The following PI16 variants were observed in gnomAD, a reference collection of about 807,000 sequenced individuals.
The protein encoded by PI16 is peptidase inhibitor 16.
PI16 carries 35 observed loss-of-function variants against 38.0 expected under a neutral mutation model. The observed-to-expected ratio is 0.92, with a 90% CI of 0.70 to 1.22. PI16 has a LOEUF of 1.22. PI16 is among the 50% of genes most tolerant of loss of function. The pLI is 0.00. For synonymous variants in PI16, 275 were observed against 252.9 expected (o/e 1.09, Z -0.83); for missense variants, 572 against 593.8 (o/e 0.96, Z 0.38).
In PI16 at chr6:36,959,247, A is replaced by G. The variant is rs1370902282; in HGVS notation, c.274A>G (p.Ile92Val). 3.7e-6 allele frequency: 6 copies of G among 1,608,288 alleles called. 1 individual carries two copies. Among genetic ancestry groups the G allele is most frequent in the South Asian group, 3.3e-5 (3 of 89,888 alleles). ...RGRRGENLFA[I>V]TDEGMDVPLA... Reference sequence around the variant, plus strand: ...GCGCCGCGGCGAGAATCTGTTCGCCATCACAGACGAGGGCATGGACGTGCC... The same window carrying G: ...GCGCCGCGGCGAGAATCTGTTCGCCGTCACAGACGAGGGCATGGACGTGCC... The change falls in exon 2 of 7, where the codon ATC becomes GTC. Residue 92 changes from isoleucine (I) to valine (V), a missense_variant. By Grantham distance (29) the Ile-to-Val change is conservative. Coordinates refer to ENST00000373674, the MANE Select transcript of PI16 (RefSeq NM_153370.3).
At chr6:36,960,481 C>T (rs1271724809) in intron 2 of PI16, among the ~76,000 whole-genome samples, 1 of 152,082 alleles carries the variant, frequency 6.6e-6, no homozygotes, top group Non-Finnish European at 1.5e-5. Context: ...CCACCCACAT[C>T]CACCAATTCC....
At chr6:36,960,847 AGAAC>A (rs1429782380) in intron 2 of PI16, among the ~76,000 whole-genome samples, 1 of 152,272 alleles carries the variant, frequency 6.6e-6, no homozygotes, top group East Asian at 1.9e-4. Flanking sequence ...GATTGAACCT[AGAAC>A]CAGCAAGGCA....
chr6:36,961,722 A>G (rs748612848), intron 3 of PI16, among the ~76,000 whole-genome samples, 162 bp downstream of exon 3: 12 of 152,164 alleles, frequency 7.9e-5, no homozygotes, highest in African/African-American at 2.4e-4. Flanking sequence ...GTCTGCTGTC[A>G]TCTGCCAGAG....
rs1483562513 is a variant in PI16, at chr6:36,962,943, G to A, written c.601G>A (p.Gly201Arg). The change falls in exon 5 of 7, where the codon GGA becomes AGA. Residue 201 changes from glycine to arginine, a missense_variant. Physicochemically the swap from Gly to Arg is moderately radical, Grantham distance 125 (BLOSUM62 -2). Transcript: ENST00000373674. This position sits in a 1 kb window ranked among gnomAD's most constrained non-coding sequence, Gnocchi z 4.1. ...HCKNSLCEPI[G>R]SPEDAQDLPY... ...CTCGTCTGTCTTATCAGAACCCATC[G>A]GAAGCCCGGAAGATGCTCAGGATTT... 6.2e-7 allele frequency: 1 copy of A among 1,612,148 alleles called. No individual in the cohort carries two copies. Among genetic ancestry groups the A allele is most frequent in the South Asian group, 1.1e-5 (1 of 90,948 alleles).
chr6:36,960,107 A>G (rs1371772565), intron 2 of PI16, among the ~76,000 whole-genome samples: 1 of 152,076 alleles, frequency 6.6e-6, no homozygotes, highest in African/African-American at 2.4e-5. Flanking sequence ...TATGGTGTCT[A>G]ATTTGCTACT....
In PI16 at chr6:36,963,059, G is replaced by T. The variant is rs922575539; in HGVS notation, c.717G>T (p.Gly239=). Residue 239 remains glycine, a synonymous_variant, in exon 5 of 7, where the codon GGG becomes GGT. Transcript: ENST00000373674. ...GTACTCCTTCTTCCCTAGCAACGGG[G>T]ATTCCGGCTTTCTTGGTAACAGAGG... ...KMGTPSSLAT[G]IPAFLVTEVS... 2 of 1,614,102 alleles carry T rather than the reference G, an allele frequency of 1.2e-6. No individual in the cohort carries two copies. The highest frequency in any genetic ancestry group is 1.7e-5 in the Admixed American group (1 of 60,004).
rs1277063515 is a variant in PI16 at position 36,961,573 on chromosome 6, G to C, written c.503+13G>C. 4.3e-6 allele frequency: 7 copies of C among 1,611,714 alleles called. 1 individual carries two copies. In the Middle Eastern group the frequency reaches 6.6e-4, roughly 152 times the overall value. On this transcript the variant is annotated intron_variant, in intron 3 of 6. Transcript: ENST00000373674. Reference sequence around the variant, plus strand: ...ACTATGAGCCTCCGTGAGTGCCGGGGGGAACCCTGGAGATGGAGAGGGGGA... The same window carrying C: ...ACTATGAGCCTCCGTGAGTGCCGGGCGGAACCCTGGAGATGGAGAGGGGGA...
rs774586020 is a variant in PI16 at position 36,961,961 on chromosome 6, G to A, written c.579G>A (p.Lys193=). 1.2e-6 allele frequency: 2 copies of A among 1,613,998 alleles called. No homozygotes were observed. The highest frequency in any genetic ancestry group is 1.7e-5 in the Admixed American group (1 of 60,022). The change falls in exon 4 of 7, where the codon AAG becomes AAA. Residue 193 remains lysine, a synonymous_variant. Transcript: ENST00000373674. ...CSQCPSGYHC[K]NSLCEPIGSP... Reference sequence around the variant, plus strand: ...AATGTCCCTCTGGCTACCACTGCAAGAACTCCCTCTGTGGTGAGTCCACGG... The same window carrying A: ...AATGTCCCTCTGGCTACCACTGCAAAAACTCCCTCTGTGGTGAGTCCACGG...
upstream of PI16, chr6:36,954,517 G>A (rs2150733668): frequency 9.7e-6 from 5 of 517,414 alleles, no homozygotes; most frequent in Non-Finnish European, 1.7e-5. Context: ...AACTCACACA[G>A]CTTTTGGCCT....
At chr6:36,959,500 G>C in intron 2 of PI16, 134 bp downstream of exon 2, 1 of 858,840 alleles carries the variant, frequency 1.2e-6, no homozygotes, top group East Asian at 2.7e-5. Context: ...TTCACTCCAA[G>C]CCCCCTCAGA....
At chr6:36,948,572 A>T (rs989883055) in intron 1 of PI16, among the ~76,000 whole-genome samples, 1 of 148,818 alleles carries the variant, frequency 6.7e-6, no homozygotes, top group Non-Finnish European at 1.5e-5. Flanking sequence ...TGCTGGGATT[A>T]CAAGCCTGAG....
upstream of PI16, among the ~76,000 whole-genome samples, chr6:36,951,319 G>A (rs910462859): frequency 4.0e-5 from 6 of 151,474 alleles, no homozygotes; most frequent in East Asian, 5.8e-4. Flanking sequence ...GTGTGATCTC[G>A]GCTCTCTGCA....
chr6:36,954,336 T>A (rs1763150526), upstream of PI16: 1 of 156,590 alleles, frequency 6.4e-6, no homozygotes, highest in African/African-American at 2.4e-5. Context: ...CCTCTGTCCT[T>A]TCAAAAGCCT....
rs539412054 is a variant in PI16 at position 36,959,183 on chromosome 6, C to A, written c.210C>A (p.Tyr70Ter). The change falls in exon 2 of 7, where the codon TAC becomes TAA. Residue 70 changes from tyrosine to a stop codon, truncating the protein, a stop_gained. Coordinates refer to ENST00000373674, the MANE Select transcript of PI16 (RefSeq NM_153370.3). LOFTEE classifies it high-confidence loss of function. Reference sequence around the variant, plus strand: ...AGCTGGCCGCCTTCGCCAAGGCCTACGCACGGCAGTGCGTGTGGGGCCACA... The same window carrying A: ...AGCTGGCCGCCTTCGCCAAGGCCTAAGCACGGCAGTGCGTGTGGGGCCACA... ...DEELAAFAKA[Y>*]ARQCVWGHNK... 4.0e-5 allele frequency: 65 copies of A among 1,610,924 alleles called. No individual in the cohort carries two copies. Among genetic ancestry groups the A allele is most frequent in the Non-Finnish European group, 5.3e-5 (62 of 1,179,278 alleles).
At chr6:36,951,670 G>A (rs4711476), upstream of PI16, among the ~76,000 whole-genome samples, 6 of 151,850 alleles carry the variant, frequency 4.0e-5, no homozygotes, top group Non-Finnish European at 7.4e-5. Context: ...AGGCCAAGGC[G>A]GGCAGATTAC....
intron 1 of PI16, among the ~76,000 whole-genome samples, chr6:36,958,485 G>GC (rs1011187946): frequency 2.0e-5 from 3 of 152,322 alleles, no homozygotes; most frequent in South Asian, 4.2e-4. Flanking sequence ...CTGAAAGTAG[G>GC]CCCCTTGGTG....
Position 36,963,896 on chromosome 6 carries a change from C to G in PI16, c.1344C>G (p.Leu448=). 1 of 1,614,008 alleles carries G rather than the reference C, an allele frequency of 6.2e-7. No homozygotes were observed. The highest frequency in any genetic ancestry group is 8.5e-7 in the Non-Finnish European group (1 of 1,179,970). The change falls in exon 6 of 7, where the codon CTC becomes CTG. Residue 448 remains leucine, a synonymous_variant. Transcript: ENST00000373674. The part of the protein sequence containing the change: ...NSGPGHVWGP[L]LGLLLLPPLV... ...GCCCTGGTCATGTGTGGGGCCCTCT[C>G]CTGGGACTACTGCTCCTGCCTCCTC... is the stretch of plus-strand genomic sequence containing the variant.
At chr6:36,961,621 A>G (rs1763368879) in intron 3 of PI16, 61 bp downstream of exon 3, 3 of 1,490,314 alleles carry the variant, frequency 2.0e-6, no homozygotes, top group Non-Finnish European at 2.8e-6. Context: ...AGCCAAGGGG[A>G]GGGCAGAGTC....
At chr6:36,959,599 G>A (rs1174992885) in intron 2 of PI16, among the ~76,000 whole-genome samples, 1 of 152,242 alleles carries the variant, frequency 6.6e-6, no homozygotes, top group African/African-American at 2.4e-5. Context: ...TAGGCCAGGC[G>A]CCGTAGCTCA....
Sources: allele counts gnomAD v4.1 joint callset (sites outside exome capture counted in the v4.1 genomes callset), GRCh38; gene constraint gnomAD v4.1.1; non-coding constraint Gnocchi (gnomAD v3.1); transcripts MANE v1.5; gene names NCBI Gene and HGNC (gene_info 2026-07-23, HGNC 2026-07-21).